EXPH5: variants seen among roughly 807,000 people sequenced by gnomAD.
EXPH5 encodes the protein exophilin 5, also known as exophilin-5.
EXPH5 carries 42 observed loss-of-function variants against 41.1 expected under a neutral mutation model. That is an observed-to-expected ratio of 1.02 (90% CI 0.80 to 1.32). EXPH5 has a LOEUF of 1.32. Among genes scored for constraint, EXPH5 ranks in the 40% most tolerant of loss-of-function variants. EXPH5 has a pLI of 0.00. For synonymous variants in EXPH5, 798 were observed against 833.5 expected (o/e 0.96, Z 0.73); for missense variants, 2,298 against 2,314.5 (o/e 0.99, Z 0.15).
At chr11:108,538,382 C>A (rs2093892950) in intron 3 of EXPH5, among the ~76,000 whole-genome samples, 1 of 152,170 alleles carries the variant, frequency 6.6e-6, no homozygotes, top group Non-Finnish European at 1.5e-5. Flanking sequence ...AATCCAACAA[C>A]ATAATGAGTC....
intron 1 of EXPH5, among the ~76,000 whole-genome samples, chr11:108,570,256 T>A (rs1028139430): frequency 2.1e-4 from 28 of 132,340 alleles, no homozygotes; most frequent in Admixed American, 1.1e-3. Context: ...ATAAAAAAAA[T>A]TATTTTTTAT....
rs772925268 is a variant in EXPH5, at chr11:108,512,324, T to G, written c.3183A>C (p.Ala1061=). 1 of 1,613,232 alleles carries G rather than the reference T, an allele frequency of 6.2e-7. No individual in the cohort carries two copies. The highest frequency in any genetic ancestry group is 1.7e-5 in the Admixed American group (1 of 59,812). ...ATTTGTTTAACATATAGTTCCCCATTGCATCTTCCACATTATTTTTGATTT... is the reference window on the plus strand; with the variant it reads ...ATTTGTTTAACATATAGTTCCCCATGGCATCTTCCACATTATTTTTGATTT... ...PFQIKNNVED[A]MGNYMLNKFS... is the part of the protein sequence containing the mutation. The change falls in exon 6 of 6, where the codon GCA becomes GCC. Residue 1061 remains alanine, a synonymous_variant. Transcript: ENST00000265843.
intron 1 of EXPH5, among the ~76,000 whole-genome samples, chr11:108,547,720 C>A (rs1398631199): frequency 6.6e-6 from 1 of 151,920 alleles, no homozygotes; most frequent in South Asian, 2.1e-4. Context: ...AAATATGTTA[C>A]ATTTCTTTGA....
chr11:108,533,203 C>T (rs1308435578), intron 3 of EXPH5, among the ~76,000 whole-genome samples: 1 of 138,480 alleles, frequency 7.2e-6, no homozygotes, highest in Non-Finnish European at 1.5e-5. Context: ...CATGAGTCTA[C>T]ATTCTATTTT....
intron 1 of EXPH5, among the ~76,000 whole-genome samples, chr11:108,568,813 CA>C (rs992687166): frequency 1.3e-5 from 2 of 152,134 alleles, no homozygotes; most frequent in Non-Finnish European, 2.9e-5. Context: ...TTCGACTTTC[CA>C]AATATTTATT....
chr11:108,598,277 T>C (rs543824208), upstream of EXPH5, among the ~76,000 whole-genome samples: 1 of 152,322 alleles, frequency 6.6e-6, no homozygotes, highest in East Asian at 1.9e-4. Context: ...ATAAGTTCTT[T>C]TTGAACCTTC....
upstream of EXPH5, chr11:108,593,861 C>T (rs1443579538): frequency 1.1e-6 from 1 of 912,070 alleles, no homozygotes; most frequent in African/African-American, 1.7e-5. Flanking sequence ...CTCGTCCCGT[C>T]CCTCGTCCCC....
chr11:108,599,243 T>A, the EXPH5 span, among the ~76,000 whole-genome samples: 1 of 152,034 alleles, frequency 6.6e-6, no homozygotes, highest in Non-Finnish European at 1.5e-5. Context: ...TGTTTTAAAT[T>A]GAAAATGTAG....
chr11:108,565,929 T>C (rs2094032660), intron 1 of EXPH5, among the ~76,000 whole-genome samples: 1 of 152,214 alleles, frequency 6.6e-6, no homozygotes, highest in Non-Finnish European at 1.5e-5. Context: ...CGATCTAACT[T>C]GTGCTGGCAC....
intron 1 of EXPH5, among the ~76,000 whole-genome samples, chr11:108,562,265 G>GTTTTTTT (rs35527615): frequency 1.4e-4 from 15 of 104,590 alleles, no homozygotes; most frequent in East Asian, 2.3e-4. Context: ...TTTTTTCTGT[G>GTTTTTTT]TTTTTTTTTT....
In EXPH5 at chr11:108,573,190, A is replaced by AAG. The variant is rs1255655441; in HGVS notation, c.119+20226_119+20227dup. On this transcript the variant is annotated intron_variant, in intron 1 of 5. Coordinates refer to ENST00000265843, the MANE Select transcript of EXPH5 (RefSeq NM_015065.3). The stretch of plus-strand genomic sequence containing the variant: ...AAAGAAAGAAAGAAAGAAAGAAAGA[A>AAG]AGAAAGAAAAAGAAAGAAAGAAAGA... Among the ~76,000 whole-genome samples, 67 of 136,102 alleles carry AAG rather than the reference A, an allele frequency of 4.9e-4. No individual in the cohort carries two copies. In the East Asian group the frequency reaches 8.8e-3, roughly 18 times the overall value. 89.3% of individuals were successfully genotyped at this position (136,102 alleles called of 152,430 possible). A position where few individuals can be genotyped will look rare whatever the true frequency, so the allele number is the denominator to read the frequency against.
At position 108,514,548 on chromosome 11, in the gene EXPH5, G is replaced by T. The variant is rs537870251; in HGVS notation, c.959C>A (p.Ser320Ter). 31 of 1,613,916 alleles carry T rather than the reference G, an allele frequency of 1.9e-5. No individual in the cohort carries two copies. Among genetic ancestry groups the T allele is most frequent in the Non-Finnish European group, 2.4e-5 (28 of 1,179,902 alleles). The change falls in exon 6 of 6, where the codon TCG becomes TAG. Residue 320 changes from serine (S) to a stop codon, truncating the protein, a stop_gained. Coordinates refer to ENST00000265843, the MANE Select transcript of EXPH5 (RefSeq NM_015065.3). LOFTEE classifies it low-confidence loss of function (END_TRUNC). ...CCGTTGCCTGCTGTCAAAACACAGC[G>T]AAGTACTGCCAAAAGTATTCTTTTG... Reference protein sequence around the residue: ...YVQKNTFGSTSLCFDSRQRSA... With the variant: ...YVQKNTFGST
chr11:108,588,558 G>A (rs931227340), intron 1 of EXPH5, among the ~76,000 whole-genome samples: 14 of 152,194 alleles, frequency 9.2e-5, no homozygotes, highest in East Asian at 3.9e-4. Context: ...TTCCTTTGTC[G>A]AATGGAGATA....
chr11:108,529,742 G>A (rs554325437), intron 3 of EXPH5, among the ~76,000 whole-genome samples: 1 of 152,002 alleles, frequency 6.6e-6, no homozygotes, highest in African/African-American at 2.4e-5. Context: ...TACAAAGGAG[G>A]CTGAGGCAGG....
upstream of EXPH5, chr11:108,593,814 G>T: frequency 6.9e-7 from 1 of 1,446,044 alleles, no homozygotes; most frequent in Non-Finnish European, 9.4e-7. Context: ...CAAGGGGGCG[G>T]GCCCTCCCTT....
In EXPH5 at chr11:108,532,339, G is replaced by GAGATATATAT. The variant is rs1471861001; in HGVS notation, c.444-4156_444-4155insATATATATCT. Among the ~76,000 whole-genome samples, 8 of 23,444 alleles carry GAGATATATAT rather than the reference G, an allele frequency of 3.4e-4. No individual in the cohort carries two copies. In the East Asian group the frequency reaches 4.7e-3, roughly 14 times the overall value. The allele number at this position is 23,444 out of a possible 152,430, so 15.4% of individuals were successfully genotyped here. On this transcript the variant is annotated intron_variant, in intron 3 of 5. Transcript: ENST00000265843. ...ACTACTGGTGTGCACCACCACACTGGATATATATATATATATATATATATA... is the reference window on the plus strand; with the variant it reads ...ACTACTGGTGTGCACCACCACACTGGAGATATATATATATATATATATATATATATATATA...
intron 4 of EXPH5, among the ~76,000 whole-genome samples, chr11:108,522,522 C>T (rs970647467): frequency 1.3e-5 from 2 of 152,132 alleles, no homozygotes; most frequent in Non-Finnish European, 2.9e-5. Flanking sequence ...TCCAGTTTGT[C>T]AGATTCCAGA....
intron 1 of EXPH5, among the ~76,000 whole-genome samples, chr11:108,557,398 G>A (rs2093994664): frequency 1.3e-5 from 2 of 152,164 alleles, no homozygotes; most frequent in Non-Finnish European, 2.9e-5. Context: ...GAAAAGAAAA[G>A]TAAACCATGA....
intron 1 of EXPH5, among the ~76,000 whole-genome samples, chr11:108,586,728 T>TA (rs1417228873): frequency 9.4e-5 from 14 of 149,690 alleles, no homozygotes; most frequent in Non-Finnish European, 1.9e-4. Flanking sequence ...TTTATCAATA[T>TA]AAAAAAACAC....
Sources: allele counts gnomAD v4.1 joint callset (sites outside exome capture counted in the v4.1 genomes callset), GRCh38; gene constraint gnomAD v4.1.1; transcripts MANE v1.5; gene names NCBI Gene and HGNC (gene_info 2026-07-23, HGNC 2026-07-21).